PHF20L1: variants seen among roughly 807,000 people sequenced by gnomAD.
The protein encoded by PHF20L1 is PHD finger protein 20-like protein 1.
PHF20L1 carries 44 observed loss-of-function variants against 125.5 expected under a neutral mutation model. The ratio of observed to expected loss-of-function variants is 0.35; its 90% CI spans 0.28 to 0.45. The LOEUF is 0.45. Ranked by LOEUF, PHF20L1 falls within the 20% of genes least tolerant of loss-of-function variation. The pLI, the probability that PHF20L1 is intolerant of heterozygous loss-of-function variation, is 1.00. For synonymous variants in PHF20L1, 380 were observed against 403.1 expected (o/e 0.94, Z 0.69); for missense variants, 1,012 against 1,217.2 (o/e 0.83, Z 2.51).
At chr8:132,806,416 G>A (rs1217580768) in intron 8 of PHF20L1, 1 of 151,910 alleles carries the variant, frequency 6.6e-6, no homozygotes, top group African/African-American at 2.4e-5. Flanking sequence ...TCCCTTCCAC[G>A]GTGGGATTTT....
chr8:132,843,460 A>G (rs1242970119), intron 19 of PHF20L1: 2 of 980,578 alleles, frequency 2.0e-6, no homozygotes, highest in African/African-American at 3.5e-5. Context: ...TTTTTTCTGC[A>G]TTCCTTAACA....
In PHF20L1 at chr8:132,847,372, A is replaced by C. The variant is rs548019875; in HGVS notation, c.*1449A>C. On this transcript the variant is annotated 3_prime_UTR_variant, in exon 21 of 21. Transcript: ENST00000395386. Reference sequence around the variant, plus strand: ...ACTGTTAAGAGGAGGCTATTTGATGACATAACACTTGAATATTTTATGCCT... The same window carrying C: ...ACTGTTAAGAGGAGGCTATTTGATGCCATAACACTTGAATATTTTATGCCT... 6.5e-6 allele frequency: 1 copy of C among 152,740 alleles called. No individual in the cohort carries two copies. Among genetic ancestry groups the C allele is most frequent in the East Asian group, 1.9e-4 (1 of 5,192 alleles). The allele number at this position is 152,740 out of a possible 1,614,324, so 9.5% of individuals were successfully genotyped here. A position where few individuals can be genotyped will look rare whatever the true frequency, so the allele number is the denominator to read the frequency against.
At chr8:132,799,972 T>G (rs1380016582) in intron 6 of PHF20L1, 1 of 151,838 alleles carries the variant, frequency 6.6e-6, no homozygotes, top group East Asian at 1.9e-4. Flanking sequence ...TGGTGTGATT[T>G]CTTGGTTACT....
In PHF20L1 at chr8:132,837,600, T is replaced by C. The variant is rs532125564; in HGVS notation, c.2092-112T>C. 3.7e-4 allele frequency: 269 copies of C among 718,728 alleles called. 4 individuals carry two copies. The South Asian group carries it at 4.1e-3, about 11-fold the overall frequency. The allele number at this position is 718,728 out of a possible 1,614,324, so 44.5% of individuals were successfully genotyped here. On this transcript the variant is annotated intron_variant, in intron 16 of 20. Transcript: ENST00000395386. ...TTGTGTCAAATAAGTATGAAACTGA[T>C]AGTGGCAGTAAGAAGCCAAGCCAGC...
Position 132,817,527 on chromosome 8 carries a change from G to A in PHF20L1, c.1561G>A (p.Gly521Arg). The A allele has an allele frequency of 6.2e-7, 1 of 1,611,230 alleles. No homozygotes were observed. The highest frequency in any genetic ancestry group is 8.5e-7 in the Non-Finnish European group (1 of 1,178,582). Residue 521 changes from glycine (G) to arginine (R), a missense_variant, in exon 12 of 21, where the codon GGA becomes AGA. Gly to Arg is a moderately radical substitution (Grantham distance 125, BLOSUM62 -2). This residue lies in a region of PHF20L1 where 320 missense variants were observed against 293.8 expected (regional missense o/e 1.09). Coordinates refer to ENST00000395386, the MANE Select transcript of PHF20L1 (RefSeq NM_016018.5). ...TTCCAAAGCAATAGCTGATGGAAGA[G>A]GAGCTCCAGCAGCAGCAGGTAAAAG... Reference protein sequence around the residue: ...PSSKAIADGRGAPAAAGISKT... With the variant: ...PSSKAIADGRRAPAAAGISKT...
intron 15 of PHF20L1, among the ~76,000 whole-genome samples, chr8:132,833,406 A>AG (rs1386777189): frequency 2.0e-5 from 3 of 152,086 alleles, no homozygotes; most frequent in African/African-American, 7.2e-5. Flanking sequence ...TTAAAAAAGA[A>AG]GTTACCACCA....
intron 9 of PHF20L1, chr8:132,812,791 A>G: frequency 1.0e-6 from 1 of 983,128 alleles, no homozygotes; most frequent in Non-Finnish European, 1.2e-6. Context: ...GATTGTTACT[A>G]ACCTCTGTTT....
Position 132,817,479 on chromosome 8 carries a change from A to G in PHF20L1, c.1513A>G (p.Thr505Ala). Residue 505 changes from threonine (T) to alanine (A), a missense_variant, in exon 12 of 21, where the codon ACA becomes GCA. Thr to Ala is a moderately conservative substitution (Grantham distance 58, BLOSUM62 0). Around this residue, in one of 7 missense-constraint regions of PHF20L1, gnomAD observed 320 missense variants for 293.8 expected, o/e 1.09. Transcript: ENST00000395386. ...NECPRAEKED[T>A]QMLPNPSSKA... ...ATGTCCCAGGGCAGAAAAAGAGGAT[A>G]CACAGATGCTTCCAAATCCTTCTTC... 2 of 1,612,538 alleles carry G rather than the reference A, an allele frequency of 1.2e-6. No individual in the cohort carries two copies. Among genetic ancestry groups the G allele is most frequent in the South Asian group, 1.1e-5 (1 of 91,036 alleles).
At chr8:132,833,580 C>T (rs892732367) in intron 15 of PHF20L1, among the ~76,000 whole-genome samples, 3 of 152,174 alleles carry the variant, frequency 2.0e-5, no homozygotes, top group Non-Finnish European at 4.4e-5. Context: ...TGGCAAGATA[C>T]AACTTCTAGG....
chr8:132,835,046 G>A (rs776720079), intron 15 of PHF20L1, among the ~76,000 whole-genome samples: 1 of 152,072 alleles, frequency 6.6e-6, no homozygotes, highest in Non-Finnish European at 1.5e-5. Flanking sequence ...TATAAATAGC[G>A]TGAATTTTTA....
rs555483369 is a variant in PHF20L1 at position 132,787,185 on chromosome 8, G to A, written c.84-7225G>A. ...GGTGGGAGAAGGTAGTGAGTACAAA[G>A]GATATGGTACAGGTATTTTGATTTG... On this transcript the variant is annotated intron_variant, in intron 2 of 20. Coordinates refer to ENST00000395386, the MANE Select transcript of PHF20L1 (RefSeq NM_016018.5). 2.6e-5 allele frequency among the ~76,000 whole-genome samples: 4 copies of A among 152,056 alleles called. No individual in the cohort carries two copies. In the South Asian group the frequency reaches 8.3e-4, roughly 32 times the overall value.
Position 132,839,456 on chromosome 8 carries a change from C to A in PHF20L1, c.2261C>A (p.Ser754Ter). The A allele has an allele frequency of 6.2e-7, 1 of 1,613,216 alleles. No individual in the cohort carries two copies. The highest frequency in any genetic ancestry group is 1.1e-5 in the South Asian group (1 of 91,060). ...WLNNGRMCGL[S>*]FFKENYSHLN... ...AATAATGGGAGAATGTGCGGGTTAT[C>A]ATTTTTCAAAGAAAATTATTCTCAT... The change falls in exon 18 of 21, where the codon TCA becomes TAA. Residue 754 changes from serine (S) to a stop codon, truncating the protein, a stop_gained. Coordinates refer to ENST00000395386, the MANE Select transcript of PHF20L1 (RefSeq NM_016018.5). LOFTEE classifies it high-confidence loss of function.
In PHF20L1 at chr8:132,804,617, C is replaced by T; in HGVS notation, c.724C>T (p.Leu242Phe). 1 of 1,603,738 alleles carries T rather than the reference C, an allele frequency of 6.2e-7. No individual in the cohort carries two copies. The highest frequency in any genetic ancestry group is 8.5e-7 in the Non-Finnish European group (1 of 1,171,970). The change falls in exon 8 of 21, where the codon CTT becomes TTT. Residue 242 changes from leucine to phenylalanine, a missense_variant and splice_region_variant. By Grantham distance (22) the Leu-to-Phe change is conservative. Around this residue, in one of 7 missense-constraint regions of PHF20L1, gnomAD observed 134 missense variants for 145.9 expected, o/e 0.92. Coordinates refer to ENST00000395386, the MANE Select transcript of PHF20L1 (RefSeq NM_016018.5). ...TATATGTGTTCTGTTGAAAGTAGGA[C>T]TTCATGTAGAGAACGTTCCAAAGAT... is the stretch of plus-strand genomic sequence containing the variant. ...DLPTSSETFGLHVENVPKMVF... is the reference protein window; with the variant it reads ...DLPTSSETFGFHVENVPKMVF...
At chr8:132,812,760 T>C (rs1834543479) in intron 9 of PHF20L1, 1 of 984,256 alleles carries the variant, frequency 1.0e-6, no homozygotes, top group South Asian at 4.7e-5. Context: ...GTATCAGCAA[T>C]AGACCTAAAG....
intron 9 of PHF20L1, chr8:132,812,894 T>TA (rs1834555730): frequency 1.0e-6 from 1 of 980,258 alleles, no homozygotes; most frequent in African/African-American, 1.8e-5. Flanking sequence ...TTATATTTTT[T>TA]AAAAATTCAA....
At chr8:132,828,291 C>G (rs1836409660) in intron 14 of PHF20L1, among the ~76,000 whole-genome samples, 1 of 151,904 alleles carries the variant, frequency 6.6e-6, no homozygotes. Flanking sequence ...TAACCCTTTA[C>G]AATAGGATCT....
rs371027212 is a variant in PHF20L1 at position 132,842,572 on chromosome 8, A to G, written c.2445A>G (p.Gln815=). ...CTTGTTCCGGGAAGCGAAAAGACCA[A>G]GATCAAATAATAGCTGGGGTGGAGA... is the stretch of plus-strand genomic sequence containing the variant. ...LWACSGKRKD[Q]DQIIAGVEKK... Residue 815 remains glutamine (Q), a synonymous_variant, in exon 19 of 21, where the codon CAA becomes CAG. Transcript: ENST00000395386. 23 of 1,612,592 alleles carry G rather than the reference A, an allele frequency of 1.4e-5. No homozygotes were observed. The highest frequency in any genetic ancestry group is 1.9e-5 in the Non-Finnish European group (22 of 1,179,414).
intron 2 of PHF20L1, among the ~76,000 whole-genome samples, chr8:132,791,414 C>T (rs1457157301): frequency 2.0e-5 from 3 of 151,910 alleles, no homozygotes; most frequent in South Asian, 4.2e-4. Flanking sequence ...CCACCATGGC[C>T]GGCAAATTTT....
chr8:132,842,158 G>A (rs7000440), intron 18 of PHF20L1: 74,703 of 162,478 alleles, frequency 0.46, 17,335 homozygotes, highest in South Asian at 0.52. Flanking sequence ...GTCATCAGGA[G>A]TTATCACTTT....
Sources: allele counts gnomAD v4.1 joint callset (sites outside exome capture counted in the v4.1 genomes callset), GRCh38; gene constraint gnomAD v4.1.1; regional missense constraint gnomAD v4.1.1; transcripts MANE v1.5; gene names NCBI Gene and HGNC (gene_info 2026-07-23, HGNC 2026-07-21).